Variants in TFCP2L1 observed in about 807,000 individuals in gnomAD.
The protein encoded by TFCP2L1 is transcription factor CP2 like 1.
Under a neutral mutation model 72.2 loss-of-function variants are expected in TFCP2L1, and 12 were observed. The observed-to-expected ratio is 0.17, with a 90% CI of 0.11 to 0.27. The LOEUF (loss-of-function observed/expected upper bound fraction) is 0.27. TFCP2L1 is among the 10% of genes least tolerant of loss of function. The probability of loss-of-function intolerance (pLI) is 1.00; values close to 1 mark genes in which losing one functional copy is unlikely to be tolerated. For synonymous variants in TFCP2L1, 260 were observed against 251.0 expected (o/e 1.04, Z -0.34); for missense variants, 488 against 624.6 (o/e 0.78, Z 2.33).
chr2:121,237,807 T>C lies in TFCP2L1; in HGVS notation c.904A>G (p.Ser302Gly). Reference sequence around the variant, plus strand: ...AGCCCTGCTCAGACACTTACGTCACTGCCCACGGGCAGGGCCTCCACCGGG... The same window carrying C: ...AGCCCTGCTCAGACACTTACGTCACCGCCCACGGGCAGGGCCTCCACCGGG... Reference protein sequence around the residue: ...THPVEALPVGSDHLLPSASIQ... With the variant: ...THPVEALPVGGDHLLPSASIQ... Residue 302 changes from serine to glycine, a missense_variant, in exon 9 of 15, where the codon AGT (serine) becomes GGT (glycine). Physicochemically the swap from Ser to Gly is moderately conservative, Grantham distance 56. Transcript: ENST00000263707. 1 of 1,614,102 alleles carries C rather than the reference T, an allele frequency of 6.2e-7. No homozygotes were observed. Among genetic ancestry groups the C allele is most frequent in the South Asian group, 1.1e-5 (1 of 91,090 alleles).
At chr2:121,228,596 C>CA (rs751786612) in intron 13 of TFCP2L1, among the ~76,000 whole-genome samples, 7 of 130,878 alleles carry the variant, frequency 5.3e-5, no homozygotes, top group Non-Finnish European at 8.0e-5. Flanking sequence ...GTTGTCTCTA[C>CA]AAAAAATTAA....
At chr2:121,275,752 G>T (rs891550019) in intron 2 of TFCP2L1, among the ~76,000 whole-genome samples, 11 of 151,956 alleles carry the variant, frequency 7.2e-5, no homozygotes, top group Admixed American at 7.2e-4. Flanking sequence ...TGTATTTTTA[G>T]TAAAGATGGG....
At position 121,216,709 on chromosome 2, in the gene TFCP2L1, A is replaced by G. The variant is rs1219706682; in HGVS notation, c.*7632T>C. On this transcript the variant is annotated 3_prime_UTR_variant, in exon 15 of 15. Transcript: ENST00000263707. ...TATGCTTTATTTCAGGTACAAAAAC[A>G]TGGCAGTAGGACAACTTTGAGCTCA... The G allele has an allele frequency of 6.6e-6, 1 of 152,212 alleles. No homozygotes were observed. The highest frequency in any genetic ancestry group is 1.5e-5 in the Non-Finnish European group (1 of 68,050). The allele number at this position is 152,212 out of a possible 1,614,324, so 9.4% of individuals were successfully genotyped here. A position where few individuals can be genotyped will look rare whatever the true frequency, so the allele number is the denominator to read the frequency against.
intron 6 of TFCP2L1, among the ~76,000 whole-genome samples, 175 bp downstream of exon 6, chr2:121,246,643 T>C (rs1686492624): frequency 2.0e-5 from 3 of 152,104 alleles, no homozygotes; most frequent in Non-Finnish European, 2.9e-5. Context: ...CAGCAGCCTG[T>C]GGTGCCTGGA....
At chr2:121,248,074 C>T (rs1686525639) in intron 5 of TFCP2L1, 90 bp downstream of exon 5, 1 of 1,057,690 alleles carries the variant, frequency 9.5e-7, no homozygotes, top group African/African-American at 1.6e-5. Flanking sequence ...CTCATCCAGA[C>T]CCTCCCAGAT....
intron 12 of TFCP2L1, among the ~76,000 whole-genome samples, chr2:121,233,855 C>G (rs1415354338): frequency 2.0e-5 from 3 of 152,250 alleles, no homozygotes; most frequent in Non-Finnish European, 4.4e-5. Flanking sequence ...ATCCCAACAC[C>G]TTCCCAAGCC....
At chr2:121,279,784 C>T (rs1201440374) in intron 2 of TFCP2L1, among the ~76,000 whole-genome samples, 1 of 152,194 alleles carries the variant, frequency 6.6e-6, no homozygotes, top group Non-Finnish European at 1.5e-5. Context: ...CAGAAACCAG[C>T]GTTCCTCTGC....
chr2:121,247,440 G>A (rs995091369), intron 5 of TFCP2L1, among the ~76,000 whole-genome samples: 4 of 151,646 alleles, frequency 2.6e-5, no homozygotes, highest in African/African-American at 9.7e-5. Flanking sequence ...TACATAAATG[G>A]CACTCGATAT....
intron 2 of TFCP2L1, among the ~76,000 whole-genome samples, chr2:121,274,392 G>T (rs1687105857): frequency 6.6e-6 from 1 of 152,130 alleles, no homozygotes; most frequent in Non-Finnish European, 1.5e-5. Flanking sequence ...CACATGGGCG[G>T]CTGAGATCAT....
intron 7 of TFCP2L1, 35 bp from the exon 8 acceptor site, chr2:121,239,684 G>C: frequency 1.9e-6 from 3 of 1,597,156 alleles, no homozygotes; most frequent in Admixed American, 3.4e-5. Context: ...CTGGGATCTG[G>C]AGAGGCGCTG....
intron 2 of TFCP2L1, among the ~76,000 whole-genome samples, chr2:121,270,216 C>T (rs1038770294): frequency 6.6e-6 from 1 of 152,106 alleles, no homozygotes; most frequent in Non-Finnish European, 1.5e-5. Flanking sequence ...GAAAAACAGA[C>T]CTTCTTCAGT....
chr2:121,283,415 A>G (rs1447139230), intron 1 of TFCP2L1, among the ~76,000 whole-genome samples: 1 of 152,192 alleles, frequency 6.6e-6, no homozygotes, highest in Admixed American at 6.5e-5. Flanking sequence ...ACTGAGGGCA[A>G]AACTCCCAGC....
At position 121,259,283 on chromosome 2, in the gene TFCP2L1, C is replaced by CA. The variant is rs112843070; in HGVS notation, c.215-9637dup. On this transcript the variant is annotated intron_variant, in intron 2 of 14. Transcript: ENST00000263707. ...GGGCAATAAGAGTGAAACTCTGTCT[C>CA]AAAAAAAAAAAAAGATCATGTTGTC... Among the ~76,000 whole-genome samples, 1,194 of 123,122 alleles carry CA rather than the reference C, an allele frequency of 9.7e-3. 9 individuals carry two copies. Among genetic ancestry groups the CA allele is most frequent in the Middle Eastern group, 0.026 (5 of 196 alleles). 80.8% of individuals were successfully genotyped at this position (123,122 alleles called of 152,430 possible).
At position 121,234,118 on chromosome 2, in the gene TFCP2L1, C is replaced by G. The variant is rs140290651; in HGVS notation, c.1171G>C (p.Asp391His). The change falls in exon 12 of 15, where the codon GAC (aspartate) becomes CAC (histidine). Residue 391 changes from aspartate (D) to histidine (H), a missense_variant. Asp to His is a moderately conservative substitution (Grantham distance 81). Transcript: ENST00000263707. ...GACAGGTTGCTGTCTCCACTGCCGT[C>G]CCGCTTCTGCTGCAGGGGCACTCGA... ...QNRVPLQQKR[D>H]GSGDSNLSVY... The G allele has an allele frequency of 1.4e-4, 234 of 1,613,822 alleles. No individual in the cohort carries two copies. The highest frequency in any genetic ancestry group is 1.8e-4 in the Non-Finnish European group (212 of 1,180,044).
intron 6 of TFCP2L1, among the ~76,000 whole-genome samples, chr2:121,243,298 A>T (rs1686415432): frequency 6.6e-6 from 1 of 152,248 alleles, no homozygotes; most frequent in Admixed American, 6.5e-5. Context: ...TAATGAAAAC[A>T]GTAGTTCAAG....
At chr2:121,265,516 C>G (rs903807997) in intron 2 of TFCP2L1, among the ~76,000 whole-genome samples, 1 of 151,908 alleles carries the variant, frequency 6.6e-6, no homozygotes, top group South Asian at 2.1e-4. Flanking sequence ...CAGGGTCTCA[C>G]TCTGTCACCC....
At chr2:121,269,711 C>T (rs1208878894) in intron 2 of TFCP2L1, among the ~76,000 whole-genome samples, 2 of 151,984 alleles carry the variant, frequency 1.3e-5, no homozygotes, top group African/African-American at 4.8e-5. Context: ...GAGTTCGAGA[C>T]CAGCCTGGCC....
rs940510380 is a variant in TFCP2L1, at chr2:121,220,783, A to G, written c.*3558T>C. On this transcript the variant is annotated 3_prime_UTR_variant, in exon 15 of 15. Coordinates refer to ENST00000263707, the MANE Select transcript of TFCP2L1 (RefSeq NM_014553.3). ...ACCCCTGTGGAAGGGATGAGCTGCT[A>G]AATTAGGCAGCTGAGATATTTTGGT... 1 of 152,228 alleles carries G rather than the reference A, an allele frequency of 6.6e-6. No individual in the cohort carries two copies. The highest frequency in any genetic ancestry group is 1.5e-5 in the Non-Finnish European group (1 of 68,038). 9.4% of individuals were successfully genotyped at this position (152,228 alleles called of 1,614,324 possible).
In TFCP2L1 at chr2:121,249,049, C is replaced by T; in HGVS notation, c.330G>A (p.Gln110=). 8 of 1,602,316 alleles carry T rather than the reference C, an allele frequency of 5.0e-6. No individual in the cohort carries two copies. The highest frequency in any genetic ancestry group is 6.8e-6 in the Non-Finnish European group (8 of 1,174,516). The stretch of plus-strand genomic sequence containing the variant: ...CCTCCAGCTGCTGGTGCTCCGTATA[C>T]TGCAGCCGGCGGTCATGGAAGACCA... The part of the protein sequence containing the change: ...IRVVFHDRRL[Q]YTEHQQLEGW... The change falls in exon 4 of 15, where the codon CAG becomes CAA. Residue 110 remains glutamine (Q), a synonymous_variant. Coordinates refer to ENST00000263707, the MANE Select transcript of TFCP2L1 (RefSeq NM_014553.3).
Sources: allele counts gnomAD v4.1 joint callset (sites outside exome capture counted in the v4.1 genomes callset), GRCh38; gene constraint gnomAD v4.1.1; transcripts MANE v1.5; gene names NCBI Gene and HGNC (gene_info 2026-07-23, HGNC 2026-07-21).